Variants in SSBP2 observed in about 807,000 individuals in gnomAD.
SSBP2 encodes the protein single-stranded DNA-binding protein 2.
Under a neutral mutation model 61.8 loss-of-function variants are expected in SSBP2, and 17 were observed. The ratio of observed to expected loss-of-function variants is 0.28; its 90% confidence interval spans 0.19 to 0.41. SSBP2 has a LOEUF of 0.41. Ranked by LOEUF, SSBP2 falls within the 10% of genes least tolerant of loss-of-function variation. The pLI, the probability that SSBP2 is intolerant of heterozygous loss-of-function variation, is 1.00. For synonymous variants in SSBP2, 139 were observed against 141.3 expected, an observed-to-expected ratio of 0.98 and a Z score of 0.12; for missense variants, 310 against 458.7, an observed-to-expected ratio of 0.68 and a Z score of 2.96.
At chr5:81,597,241 C>A (rs1378777725) in intron 4 of SSBP2, among the ~76,000 whole-genome samples, 1 of 152,084 alleles carries the variant, frequency 6.6e-6, no homozygotes, top group Non-Finnish European at 1.5e-5. Context: ...TTTATGCAGC[C>A]AAAACACACA....
chr5:81,592,348 C>T (rs1255117129), intron 4 of SSBP2, among the ~76,000 whole-genome samples: 2 of 152,220 alleles, frequency 1.3e-5, no homozygotes, highest in African/African-American at 2.4e-5. Flanking sequence ...CTGGTAAGCT[C>T]AAACTGGGTG....
intron 1 of SSBP2, among the ~76,000 whole-genome samples, chr5:81,733,501 T>C (rs879458482): frequency 4.6e-5 from 7 of 152,040 alleles, no homozygotes; most frequent in Non-Finnish European, 8.8e-5. Context: ...AACACTGAAA[T>C]AGTCTCACTA....
At chr5:81,602,139 T>A (rs2153561052) in intron 4 of SSBP2, among the ~76,000 whole-genome samples, 1 of 152,158 alleles carries the variant, frequency 6.6e-6, no homozygotes. Flanking sequence ...ATGCTTCCTT[T>A]TCCATAAAAA....
intron 1 of SSBP2, among the ~76,000 whole-genome samples, chr5:81,720,318 A>T (rs776259453): frequency 5.3e-5 from 8 of 152,182 alleles, no homozygotes; most frequent in Non-Finnish European, 1.2e-4. Flanking sequence ...TAAACAGAGT[A>T]TTCATTCCAA....
At chr5:81,620,505 A>T (rs1442765656) in intron 3 of SSBP2, among the ~76,000 whole-genome samples, 1 of 145,210 alleles carries the variant, frequency 6.9e-6, no homozygotes, top group South Asian at 2.3e-4. Context: ...GGAAGAATCA[A>T]TATCGTGAAA....
chr5:81,729,249 T>A (rs551107220), intron 1 of SSBP2, among the ~76,000 whole-genome samples: 1 of 152,298 alleles, frequency 6.6e-6, no homozygotes, highest in East Asian at 1.9e-4. Context: ...TTAGGTTATA[T>A]TTGCGCATAA....
upstream of SSBP2, chr5:81,751,373 AG>A (rs1757763935): frequency 8.5e-6 from 4 of 471,786 alleles, no homozygotes; most frequent in South Asian, 7.4e-5. Context: ...CCCGGGCGCA[AG>A]GGGGGAATTA....
At chr5:81,499,571 C>T (rs766090351) in intron 5 of SSBP2, among the ~76,000 whole-genome samples, 3 of 152,106 alleles carry the variant, frequency 2.0e-5, no homozygotes, top group African/African-American at 4.8e-5. Context: ...CAGAAAAATT[C>T]GGTGTGAGGC....
In SSBP2 at chr5:81,678,162, G is replaced by A. The variant is rs1752125694; in HGVS notation, c.63-27823C>T. 4.6e-5 allele frequency among the ~76,000 whole-genome samples: 7 copies of A among 152,208 alleles called. No homozygotes were observed. In the South Asian group the frequency reaches 1.5e-3, roughly 32 times the overall value. The stretch of plus-strand genomic sequence containing the variant: ...ATATGCTAAGGCTTTAATGAAAAAA[G>A]TAGACAATATGCAAGGACAGATGGA... On this transcript the variant is annotated intron_variant, in intron 1 of 16. Transcript: ENST00000320672.
chr5:81,439,532 T>G (rs1762879632), intron 14 of SSBP2, among the ~76,000 whole-genome samples: 3 of 151,708 alleles, frequency 2.0e-5, no homozygotes, highest in Admixed American at 1.3e-4. Flanking sequence ...AGATGGAGTT[T>G]TGCTCGTCAC....
intron 4 of SSBP2, among the ~76,000 whole-genome samples, chr5:81,584,940 C>T (rs546145953): frequency 6.6e-6 from 1 of 152,140 alleles, no homozygotes; most frequent in African/African-American, 2.4e-5. Flanking sequence ...ACTTAGTCTT[C>T]ATAACAACTC....
chr5:81,592,778 G>A (rs1743213141), intron 4 of SSBP2, among the ~76,000 whole-genome samples: 1 of 152,180 alleles, frequency 6.6e-6, no homozygotes, highest in Non-Finnish European at 1.5e-5. Flanking sequence ...GCAGCTGATG[G>A]TCCTGTCTGT....
chr5:81,539,684 C>G (rs1310178396), intron 4 of SSBP2, among the ~76,000 whole-genome samples: 1 of 152,110 alleles, frequency 6.6e-6, no homozygotes. Flanking sequence ...AAGGCAAGAC[C>G]TTCCAACAGC....
At chr5:81,726,458 G>T (rs1755896707) in intron 1 of SSBP2, among the ~76,000 whole-genome samples, 2 of 152,092 alleles carry the variant, frequency 1.3e-5, no homozygotes, top group African/African-American at 4.8e-5. Flanking sequence ...AGTGAAAGGG[G>T]TGGAATTCAA....
chr5:81,614,733 T>C (rs527310044), intron 4 of SSBP2, among the ~76,000 whole-genome samples: 3 of 152,284 alleles, frequency 2.0e-5, no homozygotes, highest in South Asian at 2.1e-4. Flanking sequence ...TCTGTCCCTC[T>C]TTTATGGTTA....
intron 4 of SSBP2, among the ~76,000 whole-genome samples, chr5:81,607,559 A>T (rs914065405): frequency 6.6e-6 from 1 of 152,178 alleles, no homozygotes; most frequent in Admixed American, 6.5e-5. Context: ...AAACATAGCT[A>T]CATTGAAGAA....
chr5:81,435,648 T>A (rs1460990630), intron 15 of SSBP2, among the ~76,000 whole-genome samples: 6 of 152,228 alleles, frequency 3.9e-5, no homozygotes, highest in Non-Finnish European at 7.3e-5. Flanking sequence ...TATGACTTTT[T>A]AAAAATTTTA....
intron 3 of SSBP2, among the ~76,000 whole-genome samples, chr5:81,624,075 A>G (rs1746902719): frequency 6.6e-6 from 1 of 152,206 alleles, no homozygotes; most frequent in African/African-American, 2.4e-5. Flanking sequence ...TACAATGTCT[A>G]TTCTATCATT....
intron 10 of SSBP2, among the ~76,000 whole-genome samples, chr5:81,454,731 TAGAC>T (rs1487281817): frequency 2.0e-5 from 3 of 150,972 alleles, no homozygotes; most frequent in Non-Finnish European, 4.4e-5. Context: ...AGAGAGAGAA[TAGAC>T]AGAAGGGTCA....
Sources: gnomAD v4.1 joint callset for allele counts (sites outside exome capture counted in the v4.1 genomes callset) on GRCh38, gnomAD v4.1.1 for gene constraint, MANE v1.5 for transcripts, NCBI Gene and HGNC (gene_info 2026-07-23, HGNC 2026-07-21) for gene names.